Variants in CNTLN observed in about 807,000 individuals in gnomAD.
The protein encoded by CNTLN is centlein, centrosomal protein.
Under a neutral mutation model 180.0 loss-of-function variants are expected in CNTLN, and 212 were observed. The ratio of observed to expected loss-of-function variants is 1.18; its 90% confidence interval spans 1.05 to 1.32. The LOEUF (loss-of-function observed/expected upper bound fraction) is 1.32, where lower values mean the gene tolerates loss of function less well. Ranked by LOEUF, CNTLN falls within the 40% of genes most tolerant of loss-of-function variation. The pLI, the probability that CNTLN is intolerant of heterozygous loss-of-function variation, is 0.00. For synonymous variants in CNTLN, 722 were observed against 563.1 expected (o/e 1.28, Z -3.99); for missense variants, 2,095 against 1,610.9 (o/e 1.30, Z -5.14).
intron 2 of CNTLN, among the ~76,000 whole-genome samples, chr9:17,145,763 A>G (rs374844980): frequency 6.6e-6 from 1 of 152,120 alleles, no homozygotes; most frequent in African/African-American, 2.4e-5. Flanking sequence ...CTTATTACAC[A>G]GTTTCTAGGA....
At chr9:17,167,737 C>G (rs1820171522) in intron 2 of CNTLN, 1 of 152,044 alleles carries the variant, frequency 6.6e-6, no homozygotes, top group African/African-American at 2.4e-5. Flanking sequence ...TCAGAAAAAA[C>G]AAAAAGTTAT....
At chr9:17,252,568 C>T (rs1048176539) in intron 5 of CNTLN, among the ~76,000 whole-genome samples, 3 of 151,592 alleles carry the variant, frequency 2.0e-5, no homozygotes, top group Non-Finnish European at 4.4e-5. Flanking sequence ...CATTTTTGTA[C>T]ATGTTATAAT....
At chr9:17,253,044 T>A (rs1826249800) in intron 5 of CNTLN, among the ~76,000 whole-genome samples, 1 of 151,760 alleles carries the variant, frequency 6.6e-6, no homozygotes, top group Non-Finnish European at 1.5e-5. Flanking sequence ...CGCCAATGTA[T>A]ATTCTTAGTT....
intron 6 of CNTLN, among the ~76,000 whole-genome samples, chr9:17,293,069 C>G (rs951301621): frequency 4.6e-5 from 7 of 152,218 alleles, no homozygotes; most frequent in African/African-American, 1.7e-4. Context: ...AGACCCTATT[C>G]ACTTGGGTCC....
rs751218462 is a variant in CNTLN at position 17,135,308 on chromosome 9, C to A, written c.243C>A (p.Ser81Arg). 5 of 1,601,236 alleles carry A rather than the reference C, an allele frequency of 3.1e-6. No individual in the cohort carries two copies. Among genetic ancestry groups the A allele is most frequent in the Non-Finnish European group, 3.4e-6 (4 of 1,174,840 alleles). ...CTCCGGCTCATGCTCCCCTCCTCAG[C>A]GCGCCCATGGGGTCCAGACGGCTAG... is the stretch of plus-strand genomic sequence containing the variant. ...GAAPAHAPLL[S>R]APMGSRRLEG... Residue 81 changes from serine to arginine, a missense_variant, in exon 1 of 26, where the codon AGC (serine) becomes AGA (arginine). Ser to Arg is a moderately radical substitution (Grantham distance 110, BLOSUM62 -1). Coordinates refer to ENST00000380647, the MANE Select transcript of CNTLN (RefSeq NM_017738.4).
chr9:17,259,805 T>C (rs1364242271), intron 5 of CNTLN, among the ~76,000 whole-genome samples: 1 of 145,268 alleles, frequency 6.9e-6, no homozygotes, highest in East Asian at 2.1e-4. Flanking sequence ...TATATTTCTG[T>C]GGGATCGCTG....
chr9:17,186,710 A>G (rs1821455504), intron 2 of CNTLN, among the ~76,000 whole-genome samples: 1 of 152,150 alleles, frequency 6.6e-6, no homozygotes, highest in Admixed American at 6.6e-5. Flanking sequence ...CACTAAGCAA[A>G]CATTACCTTA....
rs1268223304 is a variant in CNTLN at position 17,484,302 on chromosome 9, C to G, written c.3863C>G (p.Ala1288Gly). Reference protein sequence around the residue: ...EEFTTFVKALAKELQNDVHVV... With the variant: ...EEFTTFVKALGKELQNDVHVV... ...CTTTCCAATATGTTACAGGCTTTGG[C>G]CAAAGAGTTGCAAAATGATGTCCAT... is the stretch of plus-strand genomic sequence containing the variant. The change falls in exon 24 of 26, where the codon GCC becomes GGC. Residue 1288 changes from alanine to glycine, a missense_variant. Ala to Gly is a moderately conservative substitution (Grantham distance 60, BLOSUM62 0). Coordinates refer to ENST00000380647, the MANE Select transcript of CNTLN (RefSeq NM_017738.4). 6.3e-7 allele frequency: 1 copy of G among 1,596,118 alleles called. No individual in the cohort carries two copies. Among genetic ancestry groups the G allele is most frequent in the Non-Finnish European group, 8.5e-7 (1 of 1,175,096 alleles).
At chr9:17,289,229 G>C (rs1306324679) in intron 6 of CNTLN, among the ~76,000 whole-genome samples, 3 of 112,362 alleles carry the variant, frequency 2.7e-5, no homozygotes, top group Non-Finnish European at 5.2e-5. Flanking sequence ...CTCAGCATTT[G>C]CTTGTCTGTG....
chr9:17,523,911 T>C, the CNTLN span, among the ~76,000 whole-genome samples: 1 of 152,326 alleles, frequency 6.6e-6, no homozygotes, highest in African/African-American at 2.4e-5. Flanking sequence ...CCCCTGTGGA[T>C]CTGTAGAAAT....
intron 12 of CNTLN, among the ~76,000 whole-genome samples, chr9:17,346,692 C>T (rs1472627824): frequency 6.6e-6 from 1 of 152,096 alleles, no homozygotes; most frequent in East Asian, 1.9e-4. Flanking sequence ...CATAACATGT[C>T]TTGGCATGGA....
intron 2 of CNTLN, among the ~76,000 whole-genome samples, chr9:17,193,841 T>G (rs968197059): frequency 1.3e-5 from 2 of 152,232 alleles, no homozygotes; most frequent in African/African-American, 4.8e-5. Flanking sequence ...GCGCCCGCCC[T>G]GCAACAAACT....
rs982688930 is a variant in CNTLN, at chr9:17,395,045, G to T, written c.2591G>T (p.Gly864Val). Residue 864 changes from glycine to valine, a missense_variant, in exon 15 of 26, where the codon GGC becomes GTC. Transcript: ENST00000380647. ...GTGTTTGAGAACCTCAGCAAGGACG[G>T]CTGGGAGGATGTGAGTGAAAGCAGG... ...SNVFENLSKD[G>V]WEDVSESSSD... 3 of 1,609,836 alleles carry T rather than the reference G, an allele frequency of 1.9e-6. No individual in the cohort carries two copies. Among genetic ancestry groups the T allele is most frequent in the Non-Finnish European group, 2.5e-6 (3 of 1,177,022 alleles).
At chr9:17,308,887 A>C (rs1818926623) in intron 7 of CNTLN, among the ~76,000 whole-genome samples, 171 bp from the exon 8 acceptor site, 1 of 41,464 alleles carries the variant, frequency 2.4e-5, no homozygotes, top group Non-Finnish European at 6.9e-5. Flanking sequence ...TATATAAATT[A>C]GTTATTTTTT....
chr9:17,453,518 G>A (rs1484587205), intron 18 of CNTLN, among the ~76,000 whole-genome samples: 1 of 151,948 alleles, frequency 6.6e-6, no homozygotes, highest in East Asian at 1.9e-4. Context: ...AAAAAATCAG[G>A]ACCCATATTA....
intron 10 of CNTLN, among the ~76,000 whole-genome samples, chr9:17,340,349 T>G (rs758927743): frequency 6.6e-6 from 1 of 152,134 alleles, no homozygotes; most frequent in Non-Finnish European, 1.5e-5. Flanking sequence ...CTCATTTTCT[T>G]CCTTATGTGT....
chr9:17,344,572 C>T (rs1018599952), intron 12 of CNTLN, among the ~76,000 whole-genome samples: 8 of 152,018 alleles, frequency 5.3e-5, no homozygotes, highest in African/African-American at 1.9e-4. Flanking sequence ...ACTTTCTACT[C>T]TCAGGGAACT....
At chr9:17,233,592 A>G (rs1378026417) in intron 3 of CNTLN, among the ~76,000 whole-genome samples, 2 of 152,166 alleles carry the variant, frequency 1.3e-5, no homozygotes, top group East Asian at 3.9e-4. Context: ...GTCATGCTGA[A>G]GAGTGTTCAT....
intron 18 of CNTLN, among the ~76,000 whole-genome samples, chr9:17,433,879 C>A (rs899276655): frequency 2.0e-5 from 3 of 152,128 alleles, no homozygotes; most frequent in Non-Finnish European, 4.4e-5. Flanking sequence ...CCATGCCCAG[C>A]CTGTAAGAGT....
Sources: gnomAD v4.1 joint callset for allele counts (sites outside exome capture counted in the v4.1 genomes callset) on GRCh38, gnomAD v4.1.1 for gene constraint, MANE v1.5 for transcripts, NCBI Gene and HGNC (gene_info 2026-07-23, HGNC 2026-07-21) for gene names.